PACC1: variants seen among roughly 807,000 people sequenced by gnomAD.
The protein encoded by PACC1 is proton activated chloride channel 1.
In PACC1, 34 loss-of-function variants were observed where a neutral mutation model predicts 39.7. That is an observed-to-expected ratio of 0.86 (90% CI 0.65 to 1.14). The LOEUF is 1.14. PACC1 is among the 50% of genes most tolerant of loss of function. The pLI, the probability that PACC1 is intolerant of heterozygous loss-of-function variation, is 0.00. For synonymous variants in PACC1, 127 were observed against 160.6 expected (o/e 0.79, Z 1.58); for missense variants, 379 against 436.4 (o/e 0.87, Z 1.17).
chr1:212,380,972 A>G (rs1023096092), intron 4 of PACC1, among the ~76,000 whole-genome samples: 8 of 152,258 alleles, frequency 5.3e-5, no homozygotes, highest in African/African-American at 1.9e-4. Context: ...ATCAACTTTT[A>G]TAAATAAATG....
intron 7 of PACC1, among the ~76,000 whole-genome samples, chr1:212,369,732 G>A (rs146109708): frequency 0.012 from 1,681 of 145,702 alleles, 29 homozygotes; most frequent in African/African-American, 0.04. Flanking sequence ...AGTGAGCCAA[G>A]ATCATGCCAC....
In PACC1 at chr1:212,386,031, A is replaced by G. The variant is rs1661087992; in HGVS notation, c.344-606T>C. ...AAAACGTACAGATAAAGAAGACTCA[A>G]GCAGACACACAGAGAAGAGGGACAA... is the stretch of plus-strand genomic sequence containing the variant. On this transcript the variant is annotated intron_variant, in intron 3 of 7. Coordinates refer to ENST00000261455, the MANE Select transcript of PACC1 (RefSeq NM_018252.3). The surrounding 1 kb of genome is among the most constrained non-coding windows in gnomAD (Gnocchi z 5.0). Among the ~76,000 whole-genome samples, 1 of 152,190 alleles carries G rather than the reference A, an allele frequency of 6.6e-6. No homozygotes were observed. The highest frequency in any genetic ancestry group is 1.5e-5 in the Non-Finnish European group (1 of 68,026).
At chr1:212,398,026 T>C (rs1387890802) in intron 2 of PACC1, among the ~76,000 whole-genome samples, 14 of 152,172 alleles carry the variant, frequency 9.2e-5, no homozygotes, top group Admixed American at 9.2e-4. Flanking sequence ...ATCATTTCCA[T>C]TTTACAGGAT....
At chr1:212,392,442 C>T (rs938067593) in intron 2 of PACC1, among the ~76,000 whole-genome samples, 5 of 152,166 alleles carry the variant, frequency 3.3e-5, no homozygotes, top group Non-Finnish European at 7.3e-5. Context: ...CTGAAGGAAG[C>T]ACTAAACATG....
At chr1:212,381,428 A>G (rs894971004) in intron 4 of PACC1, among the ~76,000 whole-genome samples, 4 of 152,088 alleles carry the variant, frequency 2.6e-5, no homozygotes, top group Admixed American at 1.3e-4. Flanking sequence ...ATTTTGTTTT[A>G]AGTGTGCAAC....
At chr1:212,398,599 C>G (rs1661603306) in intron 2 of PACC1, among the ~76,000 whole-genome samples, 1 of 152,232 alleles carries the variant, frequency 6.6e-6, no homozygotes, top group Non-Finnish European at 1.5e-5. Context: ...TAGCTGAGAG[C>G]TAAGCCACCA....
intron 2 of PACC1, among the ~76,000 whole-genome samples, chr1:212,408,577 G>A (rs1225889001): frequency 6.6e-6 from 1 of 152,064 alleles, no homozygotes; most frequent in Non-Finnish European, 1.5e-5. Context: ...GGCCAGGCTG[G>A]TCTTGAACTC....
At chr1:212,371,796 A>G (rs1343552118) in intron 7 of PACC1, among the ~76,000 whole-genome samples, 1 of 152,192 alleles carries the variant, frequency 6.6e-6, no homozygotes, top group Non-Finnish European at 1.5e-5. Context: ...TCAGCCAACC[A>G]AATTCAATAA....
chr1:212,369,340 C>T (rs1314959325), intron 7 of PACC1, among the ~76,000 whole-genome samples: 3 of 151,940 alleles, frequency 2.0e-5, no homozygotes, highest in South Asian at 2.1e-4. Context: ...ACGAAATAGC[C>T]GTAGTAAGTC....
At chr1:212,407,131 G>A (rs1385272573) in intron 2 of PACC1, among the ~76,000 whole-genome samples, 1 of 152,218 alleles carries the variant, frequency 6.6e-6, no homozygotes, top group African/African-American at 2.4e-5. Flanking sequence ...AAAGCAGGGA[G>A]ATTATCCTGG....
Position 212,410,444 on chromosome 1 carries a change from T to C in PACC1, c.114A>G (p.Gln38=). The C allele has an allele frequency of 2.5e-6, 4 of 1,614,132 alleles. No individual in the cohort carries two copies. The highest frequency in any genetic ancestry group is 2.5e-6 in the Non-Finnish European group (3 of 1,179,992). ...ACTCACCTGGTAAGATACCCGGACC[T>C]TGGACTCTGACCGTCTCCTTGTCCT... is the stretch of plus-strand genomic sequence containing the variant. ...DEQDKETVRV[Q]GPGILPGLDS... is the part of the protein sequence containing the mutation. The change falls in exon 2 of 8, where the codon CAA becomes CAG. Residue 38 remains glutamine (Q), a synonymous_variant. Transcript: ENST00000261455.
At chr1:212,392,167 GA>G in intron 2 of PACC1, among the ~76,000 whole-genome samples, 1 of 152,250 alleles carries the variant, frequency 6.6e-6, no homozygotes, top group African/African-American at 2.4e-5. Flanking sequence ...TGAAATGAAG[GA>G]AAAAATGTTA....
intron 2 of PACC1, among the ~76,000 whole-genome samples, chr1:212,395,222 C>T (rs1331628243): frequency 1.3e-5 from 2 of 152,212 alleles, no homozygotes; most frequent in East Asian, 3.8e-4. Flanking sequence ...CAGCATGGTA[C>T]TGGTACCAAA....
At chr1:212,375,490 C>T (rs969560531) in intron 6 of PACC1, among the ~76,000 whole-genome samples, 190 bp from the exon 7 acceptor site, 1 of 152,148 alleles carries the variant, frequency 6.6e-6, no homozygotes, top group Admixed American at 6.5e-5. Context: ...CAAGGCTTTA[C>T]CTTGGTTTCC....
At chr1:212,382,279 G>A (rs749655026) in intron 4 of PACC1, among the ~76,000 whole-genome samples, 5 of 141,278 alleles carry the variant, frequency 3.5e-5, no homozygotes, top group South Asian at 2.2e-4. Flanking sequence ...TCCTGACCTC[G>A]TGATCCACCT....
Position 212,399,464 on chromosome 1 carries a change from CT to C in PACC1, c.133+10960del, listed in dbSNP as rs1190777687. On this transcript the variant is annotated intron_variant, in intron 2 of 7. Coordinates refer to ENST00000261455, the MANE Select transcript of PACC1 (RefSeq NM_018252.3). Reference sequence around the variant, plus strand: ...GTAACAAGTAGAGAAGTCTGAAACACTTTTTTTTTTTTTAAGAGACACGGTC... The same window carrying C: ...GTAACAAGTAGAGAAGTCTGAAACACTTTTTTTTTTTTAAGAGACACGGTC... 6.8e-3 allele frequency among the ~76,000 whole-genome samples: 984 copies of C among 145,284 alleles called. 3 individuals are homozygous for C. The highest frequency in any genetic ancestry group is 0.012 in the African/African-American group (479 of 39,982).
intron 7 of PACC1, 53 bp from the exon 8 acceptor site, chr1:212,365,429 CTTTTTT>C (rs879161931): frequency 2.0e-4 from 199 of 977,522 alleles, no homozygotes; most frequent in Admixed American, 4.1e-4. Flanking sequence ...AGTCTTGATT[CTTTTTT>C]TTTTTTTTTT....
chr1:212,414,218 C>T lies in PACC1; in HGVS notation c.36+504G>A, dbSNP rs374327362. The T allele has an allele frequency of 8.2e-5, 76 of 922,820 alleles. 2 individuals are homozygous for T. The East Asian group carries it at 1.1e-3, about 14-fold the overall frequency. The allele number at this position is 922,820 out of a possible 1,614,324, so 57.2% of individuals were successfully genotyped here. A position where few individuals can be genotyped will look rare whatever the true frequency, so the allele number is the denominator to read the frequency against. ...GCACTTTTTCAAAGTTAGGTGGTCA[C>T]CAAAAAACAGGTAATCAATCCTGTC... On this transcript the variant is annotated intron_variant, in intron 1 of 7. Coordinates refer to ENST00000261455, the MANE Select transcript of PACC1 (RefSeq NM_018252.3).
intron 1 of PACC1, among the ~76,000 whole-genome samples, chr1:212,411,835 C>A (rs1662137275): frequency 6.6e-6 from 1 of 152,146 alleles, no homozygotes; most frequent in Non-Finnish European, 1.5e-5. Flanking sequence ...GCCCTCGAAG[C>A]ACAAAAGAAA....
Sources: allele counts gnomAD v4.1 joint callset (sites outside exome capture counted in the v4.1 genomes callset), GRCh38; gene constraint gnomAD v4.1.1; non-coding constraint Gnocchi (gnomAD v3.1); transcripts MANE v1.5; gene names NCBI Gene and HGNC (gene_info 2026-07-23, HGNC 2026-07-21).